The following KCNH1 variants were observed in gnomAD, a reference collection of about 807,000 sequenced individuals.
KCNH1 encodes potassium voltage-gated channel subfamily H member 1.
KCNH1 carries 27 observed loss-of-function variants against 69.2 expected under a neutral mutation model. The ratio of observed to expected loss-of-function variants is 0.39; its 90% CI spans 0.29 to 0.54. KCNH1 has a LOEUF of 0.54. Among genes scored for constraint, KCNH1 ranks in the 20% least tolerant of loss-of-function variants. KCNH1 has a pLI of 0.68. For missense variants in KCNH1, 798 were observed against 1,261.6 expected (o/e 0.63, Z 5.57); for synonymous variants, 456 against 487.7 (o/e 0.93, Z 0.86).
chr1:211,101,834 C>T (rs1691264080), intron 3 of KCNH1, among the ~76,000 whole-genome samples: 1 of 152,224 alleles, frequency 6.6e-6, no homozygotes, highest in Non-Finnish European at 1.5e-5. Context: ...TCATGCCTTA[C>T]ACAAAGCTTA....
At chr1:211,042,054 C>T (rs1270676102) in intron 5 of KCNH1, among the ~76,000 whole-genome samples, 2 of 152,146 alleles carry the variant, frequency 1.3e-5, no homozygotes, top group African/African-American at 2.4e-5. Flanking sequence ...TGCACTTGGC[C>T]CACCCACTGG....
intron 3 of KCNH1, among the ~76,000 whole-genome samples, chr1:211,100,991 C>G (rs1691247557): frequency 6.6e-6 from 1 of 152,212 alleles, no homozygotes; most frequent in Non-Finnish European, 1.5e-5. Context: ...TCCGCTGCAG[C>G]CCTTTTCATA....
intron 6 of KCNH1, among the ~76,000 whole-genome samples, chr1:210,978,807 G>C (rs761910298): frequency 1.6e-4 from 24 of 152,138 alleles, no homozygotes; most frequent in South Asian, 1.0e-3. Context: ...AAGCCCATAA[G>C]GCTTTCATCC....
chr1:211,077,941 G>GA lies in KCNH1; in HGVS notation c.558+4838dup, dbSNP rs540915669. ...CTACTAAGCAAATGGAAAGCAAAAA[G>GA]AAAAAAAAAAAAGCAGGGTTGCAAT... On this transcript the variant is annotated intron_variant, in intron 5 of 10. Coordinates refer to ENST00000271751, the MANE Select transcript of KCNH1 (RefSeq NM_172362.3). 5.6e-4 allele frequency among the ~76,000 whole-genome samples: 66 copies of GA among 116,872 alleles called. No individual in the cohort carries two copies. In the Middle Eastern group the frequency reaches 0.013, roughly 24 times the overall value. 76.7% of individuals were successfully genotyped at this position (116,872 alleles called of 152,430 possible).
rs187353658 is a variant in KCNH1 at position 210,832,481 on chromosome 1, C to G, written c.1463-28315G>C. 1.3e-3 allele frequency among the ~76,000 whole-genome samples: 203 copies of G among 152,214 alleles called. 1 individual carries two copies. Among genetic ancestry groups the G allele is most frequent in the African/African-American group, 4.6e-3 (191 of 41,532 alleles). On this transcript the variant is annotated intron_variant, in intron 7 of 10. Transcript: ENST00000271751. The stretch of plus-strand genomic sequence containing the variant: ...TTTTGTTGGCTTTGAGGATTTATGC[C>G]TCTCCAGAATATCAGTTATTCCTAC...
At chr1:210,803,649 C>T (rs553163027) in intron 8 of KCNH1, among the ~76,000 whole-genome samples, 9 of 152,334 alleles carry the variant, frequency 5.9e-5, no homozygotes, top group Admixed American at 2.0e-4. Flanking sequence ...ACTGATCTCC[C>T]GTCTCTAGTC....
At chr1:210,740,704 A>ATTTTT (rs199727493) in intron 10 of KCNH1, among the ~76,000 whole-genome samples, 21 of 117,242 alleles carry the variant, frequency 1.8e-4, no homozygotes, top group African/African-American at 7.1e-4. Context: ...TTATGATTAA[A>ATTTTT]TTTTTTTTTT....
chr1:211,114,037 G>T (rs1691523458), intron 1 of KCNH1, among the ~76,000 whole-genome samples: 1 of 152,006 alleles, frequency 6.6e-6, no homozygotes, highest in Admixed American at 6.5e-5. Flanking sequence ...GAGAATATGT[G>T]TGTTGGATTG....
intron 7 of KCNH1, among the ~76,000 whole-genome samples, chr1:210,892,181 C>A (rs979215156): frequency 1.3e-5 from 2 of 151,782 alleles, no homozygotes; most frequent in Admixed American, 1.3e-4. Flanking sequence ...CCTGCACATT[C>A]TGCACATGTA....
intron 6 of KCNH1, among the ~76,000 whole-genome samples, chr1:210,958,767 T>C (rs1688239219): frequency 6.6e-6 from 1 of 152,232 alleles, no homozygotes; most frequent in African/African-American, 2.4e-5. Context: ...CATCAGGTCA[T>C]TTAGGGTCTT....
intron 10 of KCNH1, among the ~76,000 whole-genome samples, chr1:210,773,317 C>T (rs560121685): frequency 2.4e-4 from 36 of 152,302 alleles, no homozygotes; most frequent in African/African-American, 7.5e-4. Flanking sequence ...CACAATCTTG[C>T]ATTTTATTAT....
intron 9 of KCNH1, among the ~76,000 whole-genome samples, chr1:210,783,087 A>G (rs1294833038): frequency 6.6e-6 from 1 of 152,264 alleles, no homozygotes; most frequent in Non-Finnish European, 1.5e-5. Flanking sequence ...CCACCATAAA[A>G]GAAGAATCTT....
At chr1:211,000,378 CAG>C (rs1319497714) in intron 6 of KCNH1, among the ~76,000 whole-genome samples, 2 of 152,112 alleles carry the variant, frequency 1.3e-5, no homozygotes, top group Admixed American at 1.3e-4. Context: ...AACAGACAAA[CAG>C]AGAGCCGAAT....
chr1:210,982,974 C>T (rs998004677), intron 6 of KCNH1, among the ~76,000 whole-genome samples: 6 of 152,058 alleles, frequency 3.9e-5, no homozygotes, highest in Non-Finnish European at 5.9e-5. Flanking sequence ...AACTGGTGTG[C>T]GATAGTAACT....
At chr1:211,098,715 G>A (rs1467878621) in intron 3 of KCNH1, among the ~76,000 whole-genome samples, 1 of 152,118 alleles carries the variant, frequency 6.6e-6, no homozygotes, top group Non-Finnish European at 1.5e-5. Flanking sequence ...CAAAGAATCT[G>A]AACAATTAAC....
At chr1:210,810,061 G>A (rs1027422356) in intron 7 of KCNH1, among the ~76,000 whole-genome samples, 2 of 151,976 alleles carry the variant, frequency 1.3e-5, no homozygotes, top group African/African-American at 4.8e-5. Flanking sequence ...CTCTTCCTTG[G>A]TTTACCCCTT....
chr1:210,866,087 C>T (rs185503913), intron 7 of KCNH1, among the ~76,000 whole-genome samples: 22 of 152,184 alleles, frequency 1.4e-4, no homozygotes, highest in Admixed American at 1.4e-3. Context: ...AAGTTGGACC[C>T]CTACCTCACA....
At chr1:210,760,229 GA>G (rs368509068) in intron 10 of KCNH1, among the ~76,000 whole-genome samples, 20 of 151,696 alleles carry the variant, frequency 1.3e-4, no homozygotes, top group African/African-American at 4.6e-4. Context: ...CAATGTGAAA[GA>G]AAAAAAATCT....
rs185059228 is a variant in KCNH1 at position 211,089,742 on chromosome 1, G to T, written c.439+820C>A. 1.7e-3 allele frequency among the ~76,000 whole-genome samples: 253 copies of T among 152,302 alleles called. 1 individual carries two copies. Among genetic ancestry groups the T allele is most frequent in the Middle Eastern group, 6.8e-3 (2 of 294 alleles). On this transcript the variant is annotated intron_variant, in intron 4 of 10. Transcript: ENST00000271751. ...GCAGAGCTGAAAAATCAACCACAGA[G>T]CCAGGTAGCACTGCATCATGAAAAA... is the stretch of plus-strand genomic sequence containing the variant.
Sources: gnomAD v4.1 joint callset for allele counts (sites outside exome capture counted in the v4.1 genomes callset) on GRCh38, gnomAD v4.1.1 for gene constraint, MANE v1.5 for transcripts, NCBI Gene and HGNC (gene_info 2026-07-23, HGNC 2026-07-21) for gene names.